IQSEC1: variants seen among roughly 807,000 people sequenced by gnomAD.
IQSEC1 encodes IQ motif and Sec7 domain ArfGEF 1.
A neutral mutation model predicts 91.0 loss-of-function variants in IQSEC1; 31 were observed. The ratio of observed to expected loss-of-function variants is 0.34; its 90% CI spans 0.26 to 0.46. The LOEUF (loss-of-function observed/expected upper bound fraction) is 0.46, where lower values mean the gene tolerates loss of function less well. Ranked by LOEUF, IQSEC1 falls within the 20% of genes least tolerant of loss-of-function variation. The pLI, the probability that IQSEC1 is intolerant of heterozygous loss-of-function variation, is 1.00. For missense variants in IQSEC1, 1,388 were observed against 1,575.6 expected (o/e 0.88, Z 2.02); for synonymous variants, 699 against 662.6 (o/e 1.05, Z -0.84).
Position 13,193,991 on chromosome 3 carries a change from C to T in IQSEC1, c.273-29858G>A, listed in dbSNP as rs1157781476. Among the ~76,000 whole-genome samples the T allele has an allele frequency of 6.6e-6, 1 of 152,206 alleles. No homozygotes were observed. Among genetic ancestry groups the T allele is most frequent in the East Asian group, 1.9e-4 (1 of 5,198 alleles). ...GCAAGGGTGGTTTCTCTGGCAGCCTCTCTCCCTCCTTGGCTGGCCGACAGC... is the reference window on the plus strand; with the variant it reads ...GCAAGGGTGGTTTCTCTGGCAGCCTTTCTCCCTCCTTGGCTGGCCGACAGC... On this transcript the variant is annotated intron_variant, in intron 1 of 15. Coordinates refer to the IQSEC1 transcript ENST00000648114. This position sits in a 1 kb window ranked among gnomAD's most constrained non-coding sequence, Gnocchi z 4.2.
rs1238915567 is a variant in IQSEC1, at chr3:13,103,715, G to A, written c.303-56193C>T. ...ATTTCAGAGCAGGGGAAGGTTGGAG[G>A]CCTGACCCCCAGAGGGTGCGCCTCC... is the stretch of plus-strand genomic sequence containing the variant. On this transcript the variant is annotated intron_variant, in intron 2 of 15. Transcript: ENST00000648114. The surrounding 1 kb of genome is among the most constrained non-coding windows in gnomAD (Gnocchi z 4.1). 1.3e-5 allele frequency among the ~76,000 whole-genome samples: 2 copies of A among 152,098 alleles called. No individual in the cohort carries two copies. The highest frequency in any genetic ancestry group is 1.9e-4 in the East Asian group (1 of 5,178).
chr3:12,950,324 C>CA (rs1252167723), intron 1 of IQSEC1, among the ~76,000 whole-genome samples: 5 of 152,146 alleles, frequency 3.3e-5, no homozygotes, highest in Admixed American at 6.5e-5. Context: ...GAGCAGAATG[C>CA]AAGGATACAA....
chr3:12,905,506 G>A (rs2125040800), intron 12 of IQSEC1, among the ~76,000 whole-genome samples: 1 of 152,392 alleles, frequency 6.6e-6, no homozygotes, highest in Middle Eastern at 3.4e-3. Context: ...CTGCAGCTGG[G>A]GAAACGGGCC....
At chr3:12,966,420 C>A (rs1700568243) in intron 1 of IQSEC1, among the ~76,000 whole-genome samples, 1 of 152,180 alleles carries the variant, frequency 6.6e-6, no homozygotes, top group Admixed American at 6.5e-5. Flanking sequence ...GCCAAGTCAG[C>A]TTGTCAACAA....
intron 2 of IQSEC1, among the ~76,000 whole-genome samples, chr3:13,153,585 G>A (rs554893189): frequency 6.6e-6 from 1 of 152,084 alleles, no homozygotes; most frequent in African/African-American, 2.4e-5. Context: ...GGCTTTCTTC[G>A]ACCTAAGATG....
intron 1 of IQSEC1, among the ~76,000 whole-genome samples, chr3:13,182,032 G>C (rs917548641): frequency 1.3e-5 from 2 of 152,236 alleles, no homozygotes; most frequent in Admixed American, 6.5e-5. Flanking sequence ...TTCTCTCTAA[G>C]TCCCATGACT....
rs992012645 is a variant in IQSEC1 at position 13,089,992 on chromosome 3, G to A, written c.303-42470C>T. ...GCACTTTGGGAGGCCAAGGCGGGTGGATCACGAGGTCAGGAGATCCAGACC... is the reference window on the plus strand; with the variant it reads ...GCACTTTGGGAGGCCAAGGCGGGTGAATCACGAGGTCAGGAGATCCAGACC... On this transcript the variant is annotated intron_variant, in intron 2 of 15. Transcript: ENST00000648114. Among the ~76,000 whole-genome samples the A allele has an allele frequency of 3.9e-5, 6 of 152,230 alleles. No homozygotes were observed. The East Asian group carries it at 5.8e-4, about 15-fold the overall frequency.
intron 1 of IQSEC1, among the ~76,000 whole-genome samples, chr3:13,064,646 T>C (rs1705174952): frequency 6.6e-6 from 1 of 152,136 alleles, no homozygotes; most frequent in Admixed American, 6.5e-5. Flanking sequence ...CATATCAGAG[T>C]CTGATCTTCC....
intron 1 of IQSEC1, among the ~76,000 whole-genome samples, chr3:13,019,871 C>A (rs908080460): frequency 5.3e-5 from 8 of 152,212 alleles, no homozygotes; most frequent in African/African-American, 1.9e-4. Flanking sequence ...TCCCGTAAGG[C>A]CCCGCCCCAC....
At chr3:13,029,324 GA>G (rs1015603119) in intron 1 of IQSEC1, among the ~76,000 whole-genome samples, 3 of 152,238 alleles carry the variant, frequency 2.0e-5, no homozygotes, top group African/African-American at 7.2e-5. Context: ...ATAGGATAAA[GA>G]AAGGAAGGCA....
intron 1 of IQSEC1, among the ~76,000 whole-genome samples, chr3:12,990,275 C>T (rs867066819): frequency 6.6e-6 from 1 of 152,304 alleles, no homozygotes; most frequent in African/African-American, 2.4e-5. Flanking sequence ...GAATCCTCCA[C>T]CTGGCCTCAC....
rs1319679426 is a variant in IQSEC1 at position 13,193,188 on chromosome 3, C to T, written c.273-29055G>A. Reference sequence around the variant, plus strand: ...CACACACAGAGCCTGCCCCATTCCCCGGACTCTCATGGGCATCTCTGCTCC... The same window carrying T: ...CACACACAGAGCCTGCCCCATTCCCTGGACTCTCATGGGCATCTCTGCTCC... On this transcript the variant is annotated intron_variant, in intron 1 of 15. Transcript: ENST00000648114. This position sits in a 1 kb window ranked among gnomAD's most constrained non-coding sequence, Gnocchi z 4.2. 1.3e-5 allele frequency among the ~76,000 whole-genome samples: 2 copies of T among 152,238 alleles called. No individual in the cohort carries two copies. The highest frequency in any genetic ancestry group is 6.5e-5 in the Admixed American group (1 of 15,292).
chr3:13,053,212 G>C (rs765830009), intron 1 of IQSEC1: 2 of 657,654 alleles, frequency 3.0e-6, no homozygotes, highest in East Asian at 5.3e-5. Flanking sequence ...CCCTGTTGGG[G>C]ATGCTGCGAC....
intron 1 of IQSEC1, among the ~76,000 whole-genome samples, chr3:13,175,283 T>G (rs909306831): frequency 1.4e-4 from 21 of 152,062 alleles, no homozygotes; most frequent in African/African-American, 5.1e-4. Context: ...GCACCTCCAC[T>G]CTAGGTGGTT....
chr3:12,929,230 G>A (rs1697429279), intron 3 of IQSEC1, among the ~76,000 whole-genome samples: 1 of 152,182 alleles, frequency 6.6e-6, no homozygotes, highest in African/African-American at 2.4e-5. Context: ...AAGAATCCAT[G>A]AGTTCGTACT....
At position 13,147,880 on chromosome 3, in the gene IQSEC1, G is replaced by A. The variant is rs1045864989; in HGVS notation, c.302+16224C>T. Among the ~76,000 whole-genome samples, 4 of 152,314 alleles carry A rather than the reference G, an allele frequency of 2.6e-5. No individual in the cohort carries two copies. In the East Asian group the frequency reaches 5.8e-4, roughly 22 times the overall value. ...ACTCCTGACCTCAGGTGATCTGCCCGCCTAGGCCTGCCAAAGTGCTGGGAT... is the reference window on the plus strand; with the variant it reads ...ACTCCTGACCTCAGGTGATCTGCCCACCTAGGCCTGCCAAAGTGCTGGGAT... On this transcript the variant is annotated intron_variant, in intron 2 of 15. Coordinates refer to the IQSEC1 transcript ENST00000648114.
At chr3:13,159,049 G>A (rs1371808631) in intron 2 of IQSEC1, among the ~76,000 whole-genome samples, 1 of 152,086 alleles carries the variant, frequency 6.6e-6, no homozygotes, top group African/African-American at 2.4e-5. Context: ...GTCTGCCACT[G>A]GACACTGGCA....
intron 2 of IQSEC1, among the ~76,000 whole-genome samples, chr3:13,120,253 C>G (rs1706401746): frequency 6.6e-6 from 1 of 152,218 alleles, no homozygotes; most frequent in Admixed American, 6.5e-5. Context: ...TCTCTGGCTC[C>G]TCAGCACCAC....
intron 5 of IQSEC1, among the ~76,000 whole-genome samples, chr3:12,920,904 G>A (rs999770981): frequency 1.3e-5 from 2 of 152,218 alleles, no homozygotes; most frequent in Non-Finnish European, 2.9e-5. Context: ...TGTGATGTGA[G>A]TGCCTGTAAG....
Sources: allele counts gnomAD v4.1 joint callset (sites outside exome capture counted in the v4.1 genomes callset), GRCh38; gene constraint gnomAD v4.1.1; non-coding constraint Gnocchi (gnomAD v3.1); transcripts MANE v1.5; gene names NCBI Gene and HGNC (gene_info 2026-07-23, HGNC 2026-07-21).